The following ZSWIM5 variants were observed in gnomAD, a reference collection of about 807,000 sequenced individuals.
ZSWIM5 encodes the protein zinc finger SWIM domain-containing protein 5.
A neutral mutation model predicts 119.6 loss-of-function variants in ZSWIM5; 55 were observed. That is an observed-to-expected ratio of 0.46 (90% confidence interval 0.37 to 0.58). The LOEUF (loss-of-function observed/expected upper bound fraction) is 0.58, where lower values mean the gene tolerates loss of function less well. Among genes scored for constraint, ZSWIM5 ranks in the 20% least tolerant of loss-of-function variants. ZSWIM5 has a pLI of 0.00. For synonymous variants in ZSWIM5, 537 were observed against 606.9 expected, an observed-to-expected ratio of 0.88 and a Z score of 1.69; for missense variants, 1,193 against 1,512.8, an observed-to-expected ratio of 0.79 and a Z score of 3.51.
At chr1:45,115,496 G>A (rs1227121289) in intron 1 of ZSWIM5, among the ~76,000 whole-genome samples, 1 of 151,286 alleles carries the variant, frequency 6.6e-6, no homozygotes, top group African/African-American at 2.4e-5. Flanking sequence ...TCAGTTCCCA[G>A]ACGGGGTCGC....
At chr1:45,089,848 C>G (rs367864580) in intron 1 of ZSWIM5, among the ~76,000 whole-genome samples, 32 of 152,234 alleles carry the variant, frequency 2.1e-4, no homozygotes, top group Non-Finnish European at 4.0e-4. Context: ...GTGGCACGTG[C>G]CTGTAGTCCC....
chr1:45,067,397 G>A (rs1645189919), intron 2 of ZSWIM5, among the ~76,000 whole-genome samples: 2 of 150,802 alleles, frequency 1.3e-5, no homozygotes, highest in Non-Finnish European at 2.9e-5. Flanking sequence ...CTGTGATTGT[G>A]CCACTGCATT....
intron 1 of ZSWIM5, among the ~76,000 whole-genome samples, chr1:45,094,712 A>C (rs1379863098): frequency 4.6e-5 from 7 of 152,064 alleles, no homozygotes. Flanking sequence ...AAGTACAAAA[A>C]ATTAGCCAGG....
chr1:45,127,093 AAT>A (rs1240257540), intron 1 of ZSWIM5, among the ~76,000 whole-genome samples: 1 of 152,228 alleles, frequency 6.6e-6, no homozygotes, highest in Admixed American at 6.5e-5. Context: ...ATCCCTCATA[AAT>A]ATGAGACAAA....
At chr1:45,111,243 A>C (rs766881351) in intron 1 of ZSWIM5, among the ~76,000 whole-genome samples, 1 of 152,218 alleles carries the variant, frequency 6.6e-6, no homozygotes, top group Non-Finnish European at 1.5e-5. Context: ...TTTGACATGC[A>C]ATATGAGAAT....
At chr1:45,143,947 G>A (rs1645745594) in intron 1 of ZSWIM5, among the ~76,000 whole-genome samples, 1 of 151,320 alleles carries the variant, frequency 6.6e-6, no homozygotes, top group African/African-American at 2.4e-5. Flanking sequence ...AAACATGTAG[G>A]CATCTATAGA....
chr1:45,160,232 T>G (rs780789296), intron 1 of ZSWIM5, among the ~76,000 whole-genome samples: 15 of 152,244 alleles, frequency 9.9e-5, no homozygotes, highest in Non-Finnish European at 2.1e-4. Context: ...GCATAGAATG[T>G]GTAATGATCA....
chr1:45,181,522 C>A (rs1480171739), intron 1 of ZSWIM5, among the ~76,000 whole-genome samples: 1 of 143,924 alleles, frequency 6.9e-6, no homozygotes, highest in African/African-American at 2.6e-5. Context: ...AGGATATTAT[C>A]CAGAACTTCC....
intron 1 of ZSWIM5, among the ~76,000 whole-genome samples, chr1:45,200,963 T>A (rs1327450639): frequency 6.6e-6 from 1 of 152,126 alleles, no homozygotes; most frequent in Non-Finnish European, 1.5e-5. Flanking sequence ...ATGATGTGAC[T>A]TTGGGAATAG....
intron 1 of ZSWIM5, among the ~76,000 whole-genome samples, chr1:45,164,737 T>A (rs1435674331): frequency 6.6e-6 from 1 of 151,954 alleles, no homozygotes; most frequent in African/African-American, 2.4e-5. Flanking sequence ...TACATAATGG[T>A]AAAGGGATCA....
In ZSWIM5 at chr1:45,159,341, C is replaced by T. The variant is rs1208908041; in HGVS notation, c.595+46415G>A. On this transcript the variant is annotated intron_variant, in intron 1 of 13. Transcript: ENST00000359600. ...CCACTTAACTAGTCAAGTTAATTAGCTCTTCTAAATGTCACTTCTTTCATT... is the reference window on the plus strand; with the variant it reads ...CCACTTAACTAGTCAAGTTAATTAGTTCTTCTAAATGTCACTTCTTTCATT... Among the ~76,000 whole-genome samples the T allele has an allele frequency of 3.3e-5, 5 of 152,174 alleles. No individual in the cohort carries two copies. In the East Asian group the frequency reaches 9.6e-4, roughly 29 times the overall value.
intron 11 of ZSWIM5, among the ~76,000 whole-genome samples, chr1:45,025,765 T>C (rs959622098): frequency 2.0e-5 from 3 of 152,202 alleles, no homozygotes; most frequent in Non-Finnish European, 4.4e-5. Flanking sequence ...GTGAGCAATA[T>C]GTACAATCCC....
At chr1:45,070,203 G>A (rs746430160) in intron 2 of ZSWIM5, 2 of 1,425,378 alleles carry the variant, frequency 1.4e-6, no homozygotes, top group African/African-American at 1.4e-5. Flanking sequence ...TACTTTGTAG[G>A]CCAAGAAAGC....
intron 1 of ZSWIM5, among the ~76,000 whole-genome samples, chr1:45,130,639 G>A (rs1449599490): frequency 6.6e-6 from 1 of 152,108 alleles, no homozygotes; most frequent in Non-Finnish European, 1.5e-5. Flanking sequence ...GTAAGTTGTT[G>A]GTGGAAATGT....
chr1:45,028,525 G>A (rs1333603732), intron 11 of ZSWIM5, among the ~76,000 whole-genome samples: 2 of 152,102 alleles, frequency 1.3e-5, no homozygotes, highest in South Asian at 2.1e-4. Context: ...GGAGGCTGAG[G>A]TGAGTCGATC....
chr1:45,186,296 A>ATGCTAAATG (rs1646058251), intron 1 of ZSWIM5, among the ~76,000 whole-genome samples: 1 of 150,854 alleles, frequency 6.6e-6, no homozygotes, highest in Admixed American at 6.6e-5. Flanking sequence ...GATATACCTA[A>ATGCTAAATG]TGCTAAATGA....
In ZSWIM5 at chr1:45,061,908, T is replaced by C. The variant is rs541931162; in HGVS notation, c.953-1661A>G. Among the ~76,000 whole-genome samples, 13 of 151,864 alleles carry C rather than the reference T, an allele frequency of 8.6e-5. No homozygotes were observed. The South Asian group carries it at 2.7e-3, about 32-fold the overall frequency. ...GAGTTTGAGACTAGCCTGACCAACA[T>C]GGCGAAACCCTCCTCTACCAAAAGT... is the stretch of plus-strand genomic sequence containing the variant. On this transcript the variant is annotated intron_variant, in intron 2 of 13. Coordinates refer to ENST00000359600, the MANE Select transcript of ZSWIM5 (RefSeq NM_020883.2).
At position 45,024,192 on chromosome 1, in the gene ZSWIM5, C is replaced by CTTTTTT. The variant is rs59909524; in HGVS notation, c.2450-3410_2450-3405dup. Among the ~76,000 whole-genome samples, 167 of 129,374 alleles carry CTTTTTT rather than the reference C, an allele frequency of 1.3e-3. 1 individual carries two copies. Among genetic ancestry groups the CTTTTTT allele is most frequent in the Non-Finnish European group, 1.8e-3 (114 of 63,022 alleles). The allele number at this position is 129,374 out of a possible 152,430, so 84.9% of individuals were successfully genotyped here. ...TAACAGTTTTTCTTTCTTTTCTTTT[C>CTTTTTT]TTTTTTTTTTTTTTTGAGACGGAGT... On this transcript the variant is annotated intron_variant, in intron 11 of 13. Coordinates refer to ENST00000359600, the MANE Select transcript of ZSWIM5 (RefSeq NM_020883.2).
At chr1:45,150,809 C>T (rs958481936) in intron 1 of ZSWIM5, among the ~76,000 whole-genome samples, 1 of 152,148 alleles carries the variant, frequency 6.6e-6, no homozygotes, top group African/African-American at 2.4e-5. Flanking sequence ...AGATCTTGCC[C>T]ATGATCAGTA....
Sources: gnomAD v4.1 joint callset for allele counts (sites outside exome capture counted in the v4.1 genomes callset) on GRCh38, gnomAD v4.1.1 for gene constraint, MANE v1.5 for transcripts, NCBI Gene and HGNC (gene_info 2026-07-23, HGNC 2026-07-21) for gene names.